DCC: variants seen among roughly 807,000 people sequenced by gnomAD.
DCC encodes the protein DCC netrin 1 receptor.
In DCC, 58 loss-of-function variants were observed where a neutral mutation model predicts 172.5. The ratio of observed to expected loss-of-function variants is 0.34; its 90% confidence interval spans 0.27 to 0.42. The LOEUF (loss-of-function observed/expected upper bound fraction) is 0.42, where lower values mean the gene tolerates loss of function less well. Ranked by LOEUF, DCC falls within the 10% of genes least tolerant of loss-of-function variation. DCC has a pLI of 1.00. For missense variants in DCC, 1,740 were observed against 1,791.0 expected (o/e 0.97, Z 0.51); for synonymous variants, 709 against 644.5 (o/e 1.10, Z -1.52).
At chr18:52,836,620 C>T (rs868097706) in intron 2 of DCC, among the ~76,000 whole-genome samples, 1 of 152,224 alleles carries the variant, frequency 6.6e-6, no homozygotes, top group African/African-American at 2.4e-5. Context: ...ACGTGCAGGT[C>T]TTGCTGATGC....
chr18:53,505,168 A>G (rs2046156256), intron 27 of DCC: 1 of 152,142 alleles, frequency 6.6e-6, no homozygotes, highest in South Asian at 2.1e-4. Context: ...TGTTATAGCA[A>G]AAGTAGCAAC....
chr18:52,476,717 G>A (rs551624210), intron 1 of DCC, among the ~76,000 whole-genome samples: 2 of 152,088 alleles, frequency 1.3e-5, no homozygotes, highest in African/African-American at 2.4e-5. Context: ...CAATAGTCAG[G>A]ATAGGCTAAC....
At chr18:52,870,574 G>T (rs1432346759) in intron 2 of DCC, among the ~76,000 whole-genome samples, 2 of 152,078 alleles carry the variant, frequency 1.3e-5, no homozygotes, top group Non-Finnish European at 2.9e-5. Flanking sequence ...AATTACTCTT[G>T]CAGATAAGAT....
At chr18:52,860,560 C>T (rs2039125013) in intron 2 of DCC, among the ~76,000 whole-genome samples, 1 of 152,324 alleles carries the variant, frequency 6.6e-6, no homozygotes, top group East Asian at 1.9e-4. Flanking sequence ...CATAATTTCT[C>T]CTCCGGTTCC....
At chr18:53,449,219 A>G (rs1275156929) in intron 22 of DCC, among the ~76,000 whole-genome samples, 1 of 152,238 alleles carries the variant, frequency 6.6e-6, no homozygotes, top group Non-Finnish European at 1.5e-5. Context: ...TGTAAATAAT[A>G]TAACCTAATG....
intron 8 of DCC, among the ~76,000 whole-genome samples, chr18:53,174,167 C>T (rs200042154): frequency 0.5 from 67,765 of 136,770 alleles, 17,279 homozygotes; most frequent in East Asian, 0.71. Context: ...ATCTCTGGGA[C>T]GCATTCAAAG....
At chr18:52,805,821 A>G (rs917614766) in intron 2 of DCC, among the ~76,000 whole-genome samples, 3 of 152,206 alleles carry the variant, frequency 2.0e-5, no homozygotes, top group Non-Finnish European at 4.4e-5. Flanking sequence ...AGGATCTAAG[A>G]CAATTTTCAA....
chr18:52,990,463 C>T (rs1463429821), intron 5 of DCC, among the ~76,000 whole-genome samples: 2 of 142,874 alleles, frequency 1.4e-5, no homozygotes, highest in Admixed American at 7.7e-5. Flanking sequence ...TTGCTTGTAC[C>T]TGGGAACCGG....
At chr18:52,364,157 A>T (rs1984741353) in intron 1 of DCC, among the ~76,000 whole-genome samples, 1 of 151,934 alleles carries the variant, frequency 6.6e-6, no homozygotes, top group Non-Finnish European at 1.5e-5. Flanking sequence ...AATACCACAC[A>T]TTTTTTTTAC....
intron 27 of DCC, among the ~76,000 whole-genome samples, chr18:53,502,872 C>T (rs2046121433): frequency 6.6e-6 from 1 of 151,498 alleles, no homozygotes; most frequent in Non-Finnish European, 1.5e-5. Flanking sequence ...ATTTTAGGTT[C>T]TGGGGTACAT....
rs1555684832 is a variant in DCC, at chr18:52,941,502, G to GTATATA, written c.985+16141_985+16146dup. ...TATACATGTTTGTGTGTGTGTGTGT[G>GTATATA]TATATATATATATACACACTTGTAT... On this transcript the variant is annotated intron_variant, in intron 5 of 28. Transcript: ENST00000442544. Among the ~76,000 whole-genome samples, 933 of 148,960 alleles carry GTATATA rather than the reference G, an allele frequency of 6.3e-3. 5 individuals carry two copies. The highest frequency in any genetic ancestry group is 0.01 in the Non-Finnish European group (682 of 67,092).
At chr18:52,700,299 CACACACAT>C (rs1297092351) in intron 1 of DCC, among the ~76,000 whole-genome samples, 1 of 36,842 alleles carries the variant, frequency 2.7e-5, no homozygotes, top group African/African-American at 7.4e-5. Context: ...TGCACATCCA[CACACACAT>C]GCACACATGC....
chr18:53,337,645 TG>T (rs780940103), intron 14 of DCC, among the ~76,000 whole-genome samples: 1 of 152,110 alleles, frequency 6.6e-6, no homozygotes, highest in Admixed American at 6.6e-5. Context: ...GGGCCATCTT[TG>T]GGGGAAAAAA....
At chr18:52,802,706 G>C (rs1056281620) in intron 2 of DCC, among the ~76,000 whole-genome samples, 4 of 111,664 alleles carry the variant, frequency 3.6e-5, no homozygotes, top group African/African-American at 1.4e-4. Flanking sequence ...GGGTCTCACT[G>C]TGTTGTCTGG....
intron 27 of DCC, among the ~76,000 whole-genome samples, chr18:53,514,991 A>C (rs1232750371): frequency 6.6e-6 from 1 of 151,696 alleles, no homozygotes; most frequent in Non-Finnish European, 1.5e-5. Flanking sequence ...GCAGAGACAC[A>C]ACAAAAAAAG....
chr18:52,819,334 T>G (rs940702468), intron 2 of DCC, among the ~76,000 whole-genome samples: 1 of 152,236 alleles, frequency 6.6e-6, no homozygotes, highest in African/African-American at 2.4e-5. Flanking sequence ...AATAATTTTC[T>G]CAATTATAAA....
chr18:53,233,757 C>T (rs1028157338), intron 12 of DCC, among the ~76,000 whole-genome samples: 2 of 152,124 alleles, frequency 1.3e-5, no homozygotes, highest in African/African-American at 2.4e-5. Flanking sequence ...TAGTTCAAGG[C>T]TCGAACCAAA....
At chr18:52,341,503 C>G (rs934437421) in intron 1 of DCC, among the ~76,000 whole-genome samples, 4 of 152,054 alleles carry the variant, frequency 2.6e-5, no homozygotes, top group Non-Finnish European at 5.9e-5. Context: ...TATTTTTTAA[C>G]GGTGAATGTA....
At chr18:52,879,236 A>G (rs1439254465) in intron 2 of DCC, among the ~76,000 whole-genome samples, 2 of 152,078 alleles carry the variant, frequency 1.3e-5, no homozygotes, top group African/African-American at 2.4e-5. Flanking sequence ...TCTTCATAAA[A>G]GTTTCATTTG....
Sources: allele counts gnomAD v4.1 joint callset (sites outside exome capture counted in the v4.1 genomes callset), GRCh38; gene constraint gnomAD v4.1.1; transcripts MANE v1.5; gene names NCBI Gene and HGNC (gene_info 2026-07-23, HGNC 2026-07-21).